Variants in HS3ST5 observed in about 807,000 individuals in gnomAD.
The protein encoded by HS3ST5 is heparan sulfate glucosamine 3-O-sulfotransferase 5.
A neutral mutation model predicts 25.4 loss-of-function variants in HS3ST5; 10 were observed. The observed-to-expected ratio is 0.39, with a 90% CI of 0.24 to 0.67. HS3ST5 has a LOEUF of 0.67. Among genes scored for constraint, HS3ST5 ranks in the 30% least tolerant of loss-of-function variants. The pLI is 0.44. For missense variants in HS3ST5, 324 were observed against 420.7 expected (o/e 0.77, Z 2.01); for synonymous variants, 170 against 162.4 (o/e 1.05, Z -0.36).
intron 1 of HS3ST5, among the ~76,000 whole-genome samples, chr6:114,240,841 C>T (rs1166895147): frequency 6.6e-6 from 1 of 152,166 alleles, no homozygotes; most frequent in African/African-American, 2.4e-5. Context: ...GATGTGAGTA[C>T]TGATCACACC....
At chr6:114,183,520 C>T (rs1339536543) in intron 2 of HS3ST5, among the ~76,000 whole-genome samples, 1 of 152,154 alleles carries the variant, frequency 6.6e-6, no homozygotes, top group Non-Finnish European at 1.5e-5. Context: ...ACAGCCAATT[C>T]CTCATTTTAT....
chr6:114,080,885 TGTACCCA>T (rs61153971), intron 3 of HS3ST5, among the ~76,000 whole-genome samples: 18,567 of 152,088 alleles, frequency 0.12, 1,446 homozygotes, highest in East Asian at 0.27. Context: ...CAGGGTACAA[TGTACCCA>T]GGTAACAAAC....
intron 1 of HS3ST5, among the ~76,000 whole-genome samples, chr6:114,255,001 T>A (rs1772840169): frequency 6.6e-6 from 1 of 152,098 alleles, no homozygotes; most frequent in African/African-American, 2.4e-5. Context: ...CCCAAGGTCT[T>A]AACTCATTTC....
chr6:114,064,939 G>A (rs1773362632), intron 3 of HS3ST5, among the ~76,000 whole-genome samples: 1 of 152,156 alleles, frequency 6.6e-6, no homozygotes, highest in Admixed American at 6.5e-5. Context: ...TGTTTAAGAA[G>A]TGAAGGCAGG....
intron 3 of HS3ST5, among the ~76,000 whole-genome samples, chr6:114,138,910 C>T (rs1042279064): frequency 6.6e-6 from 1 of 152,152 alleles, no homozygotes; most frequent in Non-Finnish European, 1.5e-5. Flanking sequence ...CTTGCTTCAT[C>T]CTCACTTGGA....
intron 3 of HS3ST5, among the ~76,000 whole-genome samples, chr6:114,147,900 G>C (rs908243798): frequency 6.6e-6 from 1 of 152,070 alleles, no homozygotes; most frequent in African/African-American, 2.4e-5. Context: ...ACTTCTCTTA[G>C]AGGTAAGCTT....
At chr6:114,229,225 T>G (rs575119119) in intron 1 of HS3ST5, among the ~76,000 whole-genome samples, 1 of 152,352 alleles carries the variant, frequency 6.6e-6, no homozygotes, top group South Asian at 2.1e-4. Flanking sequence ...GGGTAGTACT[T>G]GCCAAGATAA....
chr6:114,290,501 T>C (rs564907269), intron 1 of HS3ST5, among the ~76,000 whole-genome samples: 2 of 152,252 alleles, frequency 1.3e-5, no homozygotes, highest in East Asian at 3.9e-4. Flanking sequence ...ATTGGAGTAC[T>C]AACAGAGAAG....
intron 2 of HS3ST5, among the ~76,000 whole-genome samples, chr6:114,188,874 G>A (rs1164778755): frequency 6.6e-6 from 1 of 152,096 alleles, no homozygotes; most frequent in Non-Finnish European, 1.5e-5. Flanking sequence ...TAGGTTTTCT[G>A]TTAATTTCCC....
intron 3 of HS3ST5, among the ~76,000 whole-genome samples, chr6:114,164,212 A>G (rs1476607543): frequency 6.6e-6 from 1 of 152,148 alleles, no homozygotes; most frequent in Non-Finnish European, 1.5e-5. Context: ...TCCTATAAAT[A>G]ATATTTGTAT....
At chr6:114,122,082 A>T (rs1053349382) in intron 3 of HS3ST5, among the ~76,000 whole-genome samples, 1 of 152,060 alleles carries the variant, frequency 6.6e-6, no homozygotes, top group Non-Finnish European at 1.5e-5. Context: ...GTCCCTGGGG[A>T]TGAACCTGTC....
At chr6:114,189,762 G>C (rs1780408419) in intron 2 of HS3ST5, among the ~76,000 whole-genome samples, 1 of 152,052 alleles carries the variant, frequency 6.6e-6, no homozygotes, top group East Asian at 1.9e-4. Context: ...GTTTCGGTCT[G>C]GTTTTGTTTG....
At chr6:114,332,488 T>C (rs979029204) in intron 1 of HS3ST5, among the ~76,000 whole-genome samples, 1 of 152,140 alleles carries the variant, frequency 6.6e-6, no homozygotes, top group Non-Finnish European at 1.5e-5. Flanking sequence ...TATACTGAAA[T>C]AAGTTCAGCG....
chr6:114,071,523 A>C (rs1320251885), intron 3 of HS3ST5, among the ~76,000 whole-genome samples: 1 of 152,212 alleles, frequency 6.6e-6, no homozygotes, highest in Non-Finnish European at 1.5e-5. Context: ...AACTACATTA[A>C]ATTCTGTGAG....
chr6:114,096,189 C>T (rs1344702406), intron 3 of HS3ST5, among the ~76,000 whole-genome samples: 1 of 152,130 alleles, frequency 6.6e-6, no homozygotes, highest in Non-Finnish European at 1.5e-5. Context: ...AAATTGTTCA[C>T]TAGTCCAAGG....
intron 3 of HS3ST5, among the ~76,000 whole-genome samples, chr6:114,091,307 A>G (rs566035017): frequency 6.6e-6 from 1 of 152,318 alleles, no homozygotes; most frequent in Admixed American, 6.5e-5. Context: ...AAAGCCACTG[A>G]GTCTTCAGAT....
intron 1 of HS3ST5, among the ~76,000 whole-genome samples, chr6:114,318,293 C>T (rs1328916582): frequency 6.6e-6 from 1 of 152,180 alleles, no homozygotes; most frequent in Admixed American, 6.5e-5. Flanking sequence ...AATGCTTTAA[C>T]TCAACTTCAA....
At chr6:114,202,373 T>C (rs953349881) in intron 2 of HS3ST5, among the ~76,000 whole-genome samples, 1 of 152,200 alleles carries the variant, frequency 6.6e-6, no homozygotes, top group Non-Finnish European at 1.5e-5. Flanking sequence ...TTAATTTTCC[T>C]GTTGTATTTA....
intron 3 of HS3ST5, among the ~76,000 whole-genome samples, chr6:114,064,432 T>C (rs1773328631): frequency 6.6e-6 from 1 of 152,164 alleles, no homozygotes; most frequent in Non-Finnish European, 1.5e-5. Context: ...GAATAAGTGT[T>C]GGGAAAAGAA....
Sources: allele counts gnomAD v4.1 joint callset (sites outside exome capture counted in the v4.1 genomes callset), GRCh38; gene constraint gnomAD v4.1.1; transcripts MANE v1.5; gene names NCBI Gene and HGNC (gene_info 2026-07-23, HGNC 2026-07-21).